ITCH: variants seen among roughly 807,000 people sequenced by gnomAD.
ITCH encodes itchy E3 ubiquitin protein ligase.
A neutral mutation model predicts 126.8 loss-of-function variants in ITCH; 28 were observed. The ratio of observed to expected loss-of-function variants is 0.22; its 90% CI spans 0.16 to 0.30. The LOEUF is 0.30. Among genes scored for constraint, ITCH ranks in the 10% least tolerant of loss-of-function variants. The pLI, the probability that ITCH is intolerant of heterozygous loss-of-function variation, is 1.00. For missense variants in ITCH, 631 were observed against 1,032.4 expected (o/e 0.61, Z 5.33); for synonymous variants, 342 against 340.0 (o/e 1.01, Z -0.06).
chr20:34,380,548 G>T (rs1479528434), intron 2 of ITCH, among the ~76,000 whole-genome samples: 1 of 128,720 alleles, frequency 7.8e-6, no homozygotes, highest in African/African-American at 2.9e-5. Context: ...TCAGATATGT[G>T]TTTTGCAGAT....
intron 3 of ITCH, among the ~76,000 whole-genome samples, chr20:34,399,925 A>G (rs1257399457): frequency 6.6e-6 from 1 of 151,910 alleles, no homozygotes. Context: ...ACACTTGACT[A>G]ATTAAAAAAA....
intron 10 of ITCH, among the ~76,000 whole-genome samples, chr20:34,444,358 C>T (rs936386912): frequency 3.3e-5 from 5 of 152,036 alleles, no homozygotes; most frequent in Admixed American, 6.6e-5. Context: ...CCGAGGTGGG[C>T]GGATCACCTG....
chr20:34,492,174 A>C (rs1343916149), intron 22 of ITCH, among the ~76,000 whole-genome samples: 1 of 152,212 alleles, frequency 6.6e-6, no homozygotes, highest in Non-Finnish European at 1.5e-5. Flanking sequence ...TAAACATGGA[A>C]ATGGCCCTCC....
Position 34,449,368 on chromosome 20 carries a change from TGTTAA to T in ITCH, c.1141-39_1141-35del, listed in dbSNP as rs766431707. 7.6e-6 allele frequency: 9 copies of T among 1,184,906 alleles called. No homozygotes were observed. In the Admixed American group the frequency reaches 1.0e-4, roughly 14 times the overall value. 73.4% of individuals were successfully genotyped at this position (1,184,906 alleles called of 1,614,324 possible). On this transcript the variant is annotated intron_variant, in intron 11 of 24. Coordinates refer to ENST00000374864, the MANE Select transcript of ITCH (RefSeq NM_031483.7). ...CTCATAAGCTTGCTGTCAGATAAGT[TGTTAA>T]GTTGTTAATAGTTTCATCACTTTTT...
At chr20:34,450,123 C>T (rs986911537) in intron 12 of ITCH, among the ~76,000 whole-genome samples, 3 of 152,144 alleles carry the variant, frequency 2.0e-5, no homozygotes, top group African/African-American at 7.2e-5. Context: ...AGCTTTTAAA[C>T]ATGGTGAAAA....
At chr20:34,473,066 G>A (rs889508506) in intron 16 of ITCH, among the ~76,000 whole-genome samples, 1 of 152,132 alleles carries the variant, frequency 6.6e-6, no homozygotes, top group African/African-American at 2.4e-5. Flanking sequence ...AGTTTTTAAA[G>A]CTGTCACCCT....
chr20:34,440,174 A>G lies in ITCH; in HGVS notation c.699A>G (p.Pro233=), dbSNP rs200651161. Residue 233 remains proline, a synonymous_variant, in exon 9 of 25, where the codon CCA becomes CCG. Coordinates refer to ENST00000374864, the MANE Select transcript of ITCH (RefSeq NM_031483.7). ...PRRPASVNGS[P]SATSESDGSS... is the part of the protein sequence containing the mutation. Reference sequence around the variant, plus strand: ...TTATAGCATCTGTCAATGGTTCACCATCTGCCACTTCTGAAAGTGATGGGT... The same window carrying G: ...TTATAGCATCTGTCAATGGTTCACCGTCTGCCACTTCTGAAAGTGATGGGT... The G allele has an allele frequency of 7.1e-5, 115 of 1,612,916 alleles. No individual in the cohort carries two copies. The highest frequency in any genetic ancestry group is 9.6e-5 in the Non-Finnish European group (113 of 1,178,978).
At chr20:34,380,602 T>C (rs927116531) in intron 2 of ITCH, among the ~76,000 whole-genome samples, 7 of 143,128 alleles carry the variant, frequency 4.9e-5, no homozygotes, top group Non-Finnish European at 1.1e-4. Flanking sequence ...TTCTTAATGA[T>C]GTCTTTTTTT....
At chr20:34,371,235 TG>T (rs2037616523) in intron 2 of ITCH, among the ~76,000 whole-genome samples, 1 of 150,434 alleles carries the variant, frequency 6.6e-6, no homozygotes, top group Non-Finnish European at 1.5e-5. Flanking sequence ...GATCCAGCAT[TG>T]CCACTTTTGG....
intron 6 of ITCH, among the ~76,000 whole-genome samples, chr20:34,416,164 C>T (rs1271736940): frequency 6.6e-6 from 1 of 151,994 alleles, no homozygotes; most frequent in African/African-American, 2.4e-5. Flanking sequence ...TCTGGGAGGC[C>T]GAGGCAGGCG....
rs775514040 is a variant in ITCH, at chr20:34,492,572, A to C, written c.2391A>C (p.Pro797=). Residue 797 remains proline, a synonymous_variant, in exon 23 of 25, where the codon CCA becomes CCC. Coordinates refer to ENST00000374864, the MANE Select transcript of ITCH (RefSeq NM_031483.7). The part of the protein sequence containing the change: ...LQFVTGTCRL[P]VGGFADLMGS... ...TTGTTACTGGAACCTGCCGATTGCC[A>C]GTAGGAGGATTTGCTGATCTCATGG... The C allele has an allele frequency of 6.8e-6, 11 of 1,612,318 alleles. No homozygotes were observed. The highest frequency in any genetic ancestry group is 9.3e-6 in the Non-Finnish European group (11 of 1,178,468).
intron 7 of ITCH, among the ~76,000 whole-genome samples, chr20:34,426,488 C>T (rs972285563): frequency 6.6e-6 from 1 of 151,974 alleles, no homozygotes; most frequent in African/African-American, 2.4e-5. Context: ...CTCTTTCACC[C>T]AGGCTGAAGT....
chr20:34,503,534 A>G (rs139443399), intron 23 of ITCH, among the ~76,000 whole-genome samples: 215 of 152,336 alleles, frequency 1.4e-3, no homozygotes, highest in Middle Eastern at 6.8e-3. Flanking sequence ...ATTCACTAGG[A>G]TATTTACATT....
At chr20:34,417,703 CTTTTTT>C (rs77967776) in intron 6 of ITCH, among the ~76,000 whole-genome samples, 21,535 of 109,328 alleles carry the variant, frequency 0.2, 1,940 homozygotes, top group South Asian at 0.39. Flanking sequence ...CCTGGCCCAG[CTTTTTT>C]TTTTTTTTTT....
At chr20:34,418,454 G>A (rs536185398) in intron 6 of ITCH, among the ~76,000 whole-genome samples, 1 of 151,832 alleles carries the variant, frequency 6.6e-6, no homozygotes, top group Non-Finnish European at 1.5e-5. Flanking sequence ...TCTAGTTTTT[G>A]TAGTTCCGCT....
intron 4 of ITCH, among the ~76,000 whole-genome samples, chr20:34,409,674 A>G (rs1978704384): frequency 6.6e-6 from 1 of 152,116 alleles, no homozygotes; most frequent in Admixed American, 6.5e-5. Flanking sequence ...TATTGATTCT[A>G]ATGTTGCGCT....
At chr20:34,487,578 C>G (rs2014581752) in intron 20 of ITCH, among the ~76,000 whole-genome samples, 1 of 152,070 alleles carries the variant, frequency 6.6e-6, no homozygotes, top group African/African-American at 2.4e-5. Flanking sequence ...AGTGGCAACT[C>G]TAATGATTAT....
chr20:34,499,272 C>CATTT (rs1990091471), intron 23 of ITCH, among the ~76,000 whole-genome samples: 1 of 23,010 alleles, frequency 4.3e-5, no homozygotes, highest in South Asian at 2.3e-3. Context: ...CTGTGCCCAG[C>CATTT]TTTTTTTTTT....
rs1988701664 is a variant in ITCH at position 34,481,066 on chromosome 20, G to A, written c.1953G>A (p.Lys651=). ...AATAGTGCTAATTTCATTTGTGCAG[G>A]GAAAACAATATTGAGGAATGTGATT... The part of the protein sequence containing the change: ...PEFYNSLIWV[K]ENNIEECDLE... The change falls in exon 20 of 25, where the codon AAG becomes AAA. Residue 651 remains lysine, a splice_region_variant and synonymous_variant. Transcript: ENST00000374864. 3.1e-6 allele frequency: 5 copies of A among 1,613,276 alleles called. No homozygotes were observed. The highest frequency in any genetic ancestry group is 4.2e-6 in the Non-Finnish European group (5 of 1,179,624).
Sources: allele counts gnomAD v4.1 joint callset (sites outside exome capture counted in the v4.1 genomes callset), GRCh38; gene constraint gnomAD v4.1.1; transcripts MANE v1.5; gene names NCBI Gene and HGNC (gene_info 2026-07-23, HGNC 2026-07-21).